The following FKBP15 variants were observed in gnomAD, a reference collection of about 807,000 sequenced individuals.
FKBP15 encodes FK506-binding protein 15.
FKBP15 carries 106 observed loss-of-function variants against 158.1 expected under a neutral mutation model. The ratio of observed to expected loss-of-function variants is 0.67; its 90% confidence interval spans 0.57 to 0.79. The LOEUF (loss-of-function observed/expected upper bound fraction) is 0.79. Ranked by LOEUF, FKBP15 falls within the 30% of genes least tolerant of loss-of-function variation. The probability of loss-of-function intolerance (pLI) is 0.00; values close to 1 mark genes in which losing one functional copy is unlikely to be tolerated. For missense variants in FKBP15, 1,287 were observed against 1,479.1 expected, an observed-to-expected ratio of 0.87 and a Z score of 2.13; for synonymous variants, 547 against 548.6, an observed-to-expected ratio of 1.00 and a Z score of 0.04.
chr9:113,210,109 G>A (rs1830970382), intron 2 of FKBP15, among the ~76,000 whole-genome samples: 1 of 152,142 alleles, frequency 6.6e-6, no homozygotes, highest in African/African-American at 2.4e-5. Flanking sequence ...GTGTCCATAT[G>A]GGGCAGAAGG....
intron 1 of FKBP15, among the ~76,000 whole-genome samples, chr9:113,220,788 TG>T (rs1831234805): frequency 1.3e-5 from 2 of 152,226 alleles, no homozygotes; most frequent in African/African-American, 4.8e-5. Flanking sequence ...CCTTGAAGAA[TG>T]CTAGAGCTGA....
rs1830756612 is a variant in FKBP15, at chr9:113,199,920, A to G, written c.542T>C (p.Val181Ala). 2 of 1,613,374 alleles carry G rather than the reference A, an allele frequency of 1.2e-6. No individual in the cohort carries two copies. Among genetic ancestry groups the G allele is most frequent in the Admixed American group, 1.7e-5 (1 of 59,924 alleles). The change falls in exon 7 of 28, where the codon GTG becomes GCG. Residue 181 changes from valine to alanine, a missense_variant. By Grantham distance (64) the Val-to-Ala change is moderately conservative. Transcript: ENST00000238256. The stretch of plus-strand genomic sequence containing the variant: ...TGCCACAATGAGGTCCTGGGAGAGC[A>G]CTGCATCCAGGGAAGAGGTACTGTT... ...KCNSTSSLDA[V>A]LSQDLIVADG...
chr9:113,214,341 T>C (rs1008095026), intron 1 of FKBP15, among the ~76,000 whole-genome samples: 2 of 152,220 alleles, frequency 1.3e-5, no homozygotes, highest in African/African-American at 4.8e-5. Context: ...AGGTGCAGAA[T>C]GGATGTTGTG....
rs1830304394 is a variant in FKBP15 at position 113,176,635 on chromosome 9, T to C, written c.2125A>G (p.Lys709Glu). Residue 709 changes from lysine to glutamate, a missense_variant, in exon 21 of 28, where the codon AAA (lysine) becomes GAA (glutamate). Coordinates refer to ENST00000238256, the MANE Select transcript of FKBP15 (RefSeq NM_015258.2). ...ETSEQAQSKF[K>E]SEKQNRKQLE... ...TGTTTCCGGTTCTGCTTTTCACTTT[T>C]GAATTTGGACTGTGCTTGCTCAGAG... 6.2e-7 allele frequency: 1 copy of C among 1,607,006 alleles called. No individual in the cohort carries two copies. Among genetic ancestry groups the C allele is most frequent in the Non-Finnish European group, 8.5e-7 (1 of 1,175,922 alleles).
chr9:113,174,453 G>A lies in FKBP15; in HGVS notation c.2354C>T (p.Ser785Phe). ...CTGCTCTGCAGCTGCTTGGTCTGTG[G>A]ACACTCGAGTCTTTTTCAAGAGCTG... ...LRQLLKKTRV[S>F]TDQAAAEQLS... The change falls in exon 22 of 28, where the codon TCC (serine) becomes TTC (phenylalanine). Residue 785 changes from serine to phenylalanine, a missense_variant. By Grantham distance (155) the Ser-to-Phe change is radical. Transcript: ENST00000238256. The A allele has an allele frequency of 6.2e-7, 1 of 1,613,844 alleles. No individual in the cohort carries two copies. The highest frequency in any genetic ancestry group is 8.5e-7 in the Non-Finnish European group (1 of 1,179,834).
At chr9:113,221,132 C>T in intron 1 of FKBP15, 59 bp downstream of exon 1, 5 of 1,534,168 alleles carry the variant, frequency 3.3e-6, no homozygotes, top group Non-Finnish European at 4.4e-6. Flanking sequence ...GACCCCCCTC[C>T]AACAATCCGC....
At chr9:113,218,377 T>TTATATATATATATATATA (rs10539484) in intron 1 of FKBP15, among the ~76,000 whole-genome samples, 4 of 101,494 alleles carry the variant, frequency 3.9e-5, no homozygotes, top group Non-Finnish European at 8.1e-5. Flanking sequence ...GTAAATACAA[T>TTATATATATATATATATA]TATATATATA....
chr9:113,217,315 C>T (rs897911981), intron 1 of FKBP15, among the ~76,000 whole-genome samples: 32 of 149,680 alleles, frequency 2.1e-4, no homozygotes, highest in African/African-American at 7.7e-4. Flanking sequence ...CAGATTCAAG[C>T]GATTCTCCTA....
chr9:113,218,826 C>T (rs565675402), intron 1 of FKBP15, among the ~76,000 whole-genome samples: 61 of 152,222 alleles, frequency 4.0e-4, no homozygotes, highest in African/African-American at 1.4e-3. Flanking sequence ...TAGGCTTTTT[C>T]CTATCTTTTA....
At chr9:113,168,337 G>A (rs1830130791) in intron 27 of FKBP15, 123 bp downstream of exon 27, 2 of 771,982 alleles carry the variant, frequency 2.6e-6, no homozygotes, top group South Asian at 1.7e-5. Flanking sequence ...TGCTCCCACA[G>A]GGCCCTGCAC....
At chr9:113,181,286 G>A (rs899415823) in intron 19 of FKBP15, among the ~76,000 whole-genome samples, 1 of 152,124 alleles carries the variant, frequency 6.6e-6, no homozygotes. Flanking sequence ...AAACATTTGG[G>A]TAGATTATTG....
intron 25 of FKBP15, among the ~76,000 whole-genome samples, chr9:113,170,151 T>C (rs1460554893): frequency 1.3e-5 from 2 of 151,668 alleles, no homozygotes; most frequent in South Asian, 4.2e-4. Flanking sequence ...GGAGACAGGG[T>C]CTTGCTCTGT....
chr9:113,202,493 T>C, intron 6 of FKBP15, 38 bp downstream of exon 6: 2 of 1,406,306 alleles, frequency 1.4e-6, no homozygotes, highest in Non-Finnish European at 9.8e-7. Context: ...TCCAAACAAG[T>C]ATTTTGGCTT....
At position 113,190,473 on chromosome 9, in the gene FKBP15, C is replaced by A. The variant is rs376172887; in HGVS notation, c.1171G>T (p.Glu391Ter). The A allele has an allele frequency of 6.2e-7, 1 of 1,606,186 alleles. No homozygotes were observed. The highest frequency in any genetic ancestry group is 1.3e-5 in the African/African-American group (1 of 74,846). ...CTAATACAGCCAGGGGGACATACTT[C>A]GATTTCTGAATCATTGGAATCCAGC... is the stretch of plus-strand genomic sequence containing the variant. The part of the protein sequence containing the change: ...PQLDSNDSEI[E>*]DVNTLQGGGQ... The change falls in exon 12 of 28, where the codon GAA becomes TAA. Residue 391 changes from glutamate (E) to a stop codon, truncating the protein, a stop_gained and splice_region_variant. Transcript: ENST00000238256. LOFTEE classifies it high-confidence loss of function.
rs1251916473 is a variant in FKBP15 at position 113,178,047 on chromosome 9, T to C, written c.2086+583A>G. The stretch of plus-strand genomic sequence containing the variant: ...TAGGAAAGCTTCTGAAAGAGGCAGA[T>C]TTTGAAGAGGACTAAAAGCGAATAT... On this transcript the variant is annotated intron_variant, in intron 20 of 27. Coordinates refer to ENST00000238256, the MANE Select transcript of FKBP15 (RefSeq NM_015258.2). Among the ~76,000 whole-genome samples, 6 of 152,236 alleles carry C rather than the reference T, an allele frequency of 3.9e-5. No homozygotes were observed. In the East Asian group the frequency reaches 1.2e-3, roughly 29 times the overall value.
chr9:113,180,258 TAC>T (rs1830370619), intron 19 of FKBP15, among the ~76,000 whole-genome samples: 1 of 152,174 alleles, frequency 6.6e-6, no homozygotes, highest in South Asian at 2.1e-4. Flanking sequence ...CCCCCAAATG[TAC>T]ATGTACACAG....
At position 113,173,485 on chromosome 9, in the gene FKBP15, A is replaced by G; in HGVS notation, c.2500T>C (p.Tyr834His). Residue 834 changes from tyrosine to histidine, a missense_variant, in exon 23 of 28, where the codon TAC becomes CAC. Tyr to His is a moderately conservative substitution (Grantham distance 83, BLOSUM62 2). Transcript: ENST00000238256. ...TGAAGTTGTACCAGCTTCTGCTGGTAGGCATCTCTCTGTGCGCACACCTCC... is the reference window on the plus strand; with the variant it reads ...TGAAGTTGTACCAGCTTCTGCTGGTGGGCATCTCTCTGTGCGCACACCTCC... ...YQEVCAQRDA[Y>H]QQKLVQLQEK... 4 of 1,613,864 alleles carry G rather than the reference A, an allele frequency of 2.5e-6. No homozygotes were observed. Among genetic ancestry groups the G allele is most frequent in the Non-Finnish European group, 3.4e-6 (4 of 1,179,758 alleles).
At position 113,164,295 on chromosome 9, in the gene FKBP15, G is replaced by A. The variant is rs565212294; in HGVS notation, c.*1783C>T. On this transcript the variant is annotated 3_prime_UTR_variant, in exon 28 of 28. Coordinates refer to ENST00000238256, the MANE Select transcript of FKBP15 (RefSeq NM_015258.2). ...CTGCTACAAAGACAACTCTGCTCAG[G>A]GAAACCCAGCCCTGAAATGCTGCAC... 6.6e-6 allele frequency: 1 copy of A among 152,266 alleles called. No homozygotes were observed. Among genetic ancestry groups the A allele is most frequent in the Admixed American group, 6.5e-5 (1 of 15,280 alleles). 9.4% of individuals were successfully genotyped at this position (152,266 alleles called of 1,614,324 possible).
intron 1 of FKBP15, among the ~76,000 whole-genome samples, chr9:113,219,218 C>G (rs1394948315): frequency 1.3e-5 from 2 of 152,188 alleles, no homozygotes; most frequent in African/African-American, 4.8e-5. Flanking sequence ...CCTAGAAACT[C>G]AGAAGGCAGA....
Sources: gnomAD v4.1 joint callset for allele counts (sites outside exome capture counted in the v4.1 genomes callset) on GRCh38, gnomAD v4.1.1 for gene constraint, MANE v1.5 for transcripts, NCBI Gene and HGNC (gene_info 2026-07-23, HGNC 2026-07-21) for gene names.